Variants in SYTL5 observed in about 807,000 individuals in gnomAD.
The protein encoded by SYTL5 is synaptotagmin like 5.
Under a neutral mutation model 55.9 loss-of-function variants are expected in SYTL5, and 34 were observed. That is an observed-to-expected ratio of 0.61 (90% confidence interval 0.46 to 0.81). The LOEUF (loss-of-function observed/expected upper bound fraction) is 0.81. Among genes scored for constraint, SYTL5 ranks in the 30% least tolerant of loss-of-function variants. SYTL5 has a pLI of 0.00. For synonymous variants in SYTL5, 221 were observed against 188.7 expected, an observed-to-expected ratio of 1.17 and a Z score of -1.40; for missense variants, 637 against 546.7, an observed-to-expected ratio of 1.17 and a Z score of -1.65.
the SYTL5 span, among the ~76,000 whole-genome samples, chrX:37,977,352 G>T: frequency 2.7e-5 from 3 of 110,904 alleles, no homozygotes; most frequent in Non-Finnish European, 5.7e-5. Flanking sequence ...ACATCAAGGA[G>T]AAAGAAGGTG....
intron 1 of SYTL5, among the ~76,000 whole-genome samples, chrX:38,032,875 C>T (rs186936791): frequency 9.1e-6 from 1 of 110,372 alleles, no homozygotes; most frequent in Admixed American, 9.7e-5. Flanking sequence ...AGGTATCTGC[C>T]ACCATGCCCA....
chrX:37,894,987 A>G, the SYTL5 span, among the ~76,000 whole-genome samples: 1 of 111,473 alleles, frequency 9.0e-6, no homozygotes, highest in Non-Finnish European at 1.9e-5. Context: ...TGCAAAGGGC[A>G]GATCATGAGA....
the SYTL5 span, among the ~76,000 whole-genome samples, chrX:37,950,585 A>T: frequency 9.0e-6 from 1 of 111,446 alleles, no homozygotes; most frequent in Admixed American, 9.5e-5. Context: ...GAAGTATGCA[A>T]TGCTTTCCTA....
the SYTL5 span, among the ~76,000 whole-genome samples, chrX:37,982,498 C>G: frequency 1.8e-5 from 2 of 112,262 alleles, no homozygotes; most frequent in African/African-American, 3.2e-5. Context: ...GTAAGATAAA[C>G]AGAGCACTGG....
rs747441779 is a variant in SYTL5 at position 38,054,435 on chromosome X, A to C, written c.329+13A>C. On this transcript the variant is annotated intron_variant, in intron 3 of 16. Transcript: ENST00000297875. ...GTGACAAAATCGCGTGAGTTTCTTG[A>C]TTTTTCATGGAAAGTGGAGATTGAT... 8.4e-7 allele frequency: 1 copy of C among 1,194,737 alleles called. No homozygotes were observed. The highest frequency in any genetic ancestry group is 1.8e-5 in the African/African-American group (1 of 56,573).
At chrX:38,116,132 G>A (rs1422735213) in intron 13 of SYTL5, among the ~76,000 whole-genome samples, 1 of 111,688 alleles carries the variant, frequency 9.0e-6, no homozygotes, top group Admixed American at 9.5e-5. Context: ...TGAGACAAGG[G>A]TCCAATTTCA....
intron 13 of SYTL5, among the ~76,000 whole-genome samples, chrX:38,118,337 T>G (rs1045027619): frequency 8.9e-6 from 1 of 111,986 alleles, no homozygotes; most frequent in East Asian, 2.8e-4. Flanking sequence ...TCAGTATTTT[T>G]AATTTTTTTT....
At chrX:37,909,107 G>A in the SYTL5 span, among the ~76,000 whole-genome samples, 2 of 107,483 alleles carry the variant, frequency 1.9e-5, no homozygotes, top group African/African-American at 6.9e-5. Context: ...ATGTACTACT[G>A]CCCCCCTCCC....
chrX:38,056,420 T>G (rs964792475), intron 3 of SYTL5, among the ~76,000 whole-genome samples: 14 of 112,138 alleles, frequency 1.2e-4, no homozygotes, highest in African/African-American at 4.5e-4. Flanking sequence ...AGTGCTGCAG[T>G]AAACATGGGA....
chrX:38,116,171 C>T (rs895350959), intron 13 of SYTL5, among the ~76,000 whole-genome samples: 1 of 111,339 alleles, frequency 9.0e-6, no homozygotes, highest in African/African-American at 3.3e-5. Context: ...TTCAGTTGTC[C>T]CAATACTGTT....
the SYTL5 span, among the ~76,000 whole-genome samples, chrX:37,895,436 C>CCTTCCTTCCTTCCTTCCTT: frequency 5.3e-5 from 5 of 94,519 alleles, 1 homozygote; most frequent in African/African-American, 2.5e-4. Context: ...TTCCTTCCTT[C>CCTTCCTTCCTTCCTTCCTT]CTTCCTTCCT....
intron 6 of SYTL5, among the ~76,000 whole-genome samples, chrX:38,079,063 G>A (rs1936463111): frequency 8.9e-6 from 1 of 111,986 alleles, no homozygotes; most frequent in African/African-American, 3.2e-5. Context: ...ACAGTGAGAT[G>A]AGTTCCATTA....
chrX:37,952,242 C>T, the SYTL5 span, among the ~76,000 whole-genome samples: 5 of 111,680 alleles, frequency 4.5e-5, no homozygotes, highest in South Asian at 3.8e-4. Context: ...TTCTTCTTCA[C>T]GCTTCTGCTA....
At chrX:38,094,495 G>T (rs772774152) in intron 8 of SYTL5, 71 bp downstream of exon 8, 10 of 1,030,486 alleles carry the variant, frequency 9.7e-6, no homozygotes, top group Non-Finnish European at 1.3e-5. Flanking sequence ...TGCTATGTGT[G>T]GTATTAAGTG....
At chrX:38,119,238 T>C (rs1257384296) in intron 13 of SYTL5, among the ~76,000 whole-genome samples, 3 of 110,933 alleles carry the variant, frequency 2.7e-5, no homozygotes, top group Non-Finnish European at 5.7e-5. Context: ...TTTTATCACC[T>C]TTATAGGTTT....
the SYTL5 span, among the ~76,000 whole-genome samples, chrX:37,958,006 C>G: frequency 9.0e-6 from 1 of 111,304 alleles, no homozygotes; most frequent in Non-Finnish European, 1.9e-5. Flanking sequence ...GTCAGGAGAT[C>G]GAGACCAGCC....
rs191438211 is a variant in SYTL5, at chrX:38,064,216, A to G, written c.330-7831A>G. 4.5e-5 allele frequency among the ~76,000 whole-genome samples: 5 copies of G among 111,596 alleles called. No individual in the cohort carries two copies. In the Admixed American group the frequency reaches 4.8e-4, roughly 11 times the overall value. ...ATTGTGCATCTGGGAATGAAATTGC[A>G]CACCAAACGGTATGAGCATTTTCAG... On this transcript the variant is annotated intron_variant, in intron 3 of 16. Coordinates refer to ENST00000297875, the MANE Select transcript of SYTL5 (RefSeq NM_138780.3).
chrX:38,018,264 C>T (rs73463453), intron 1 of SYTL5, among the ~76,000 whole-genome samples: 10,534 of 110,982 alleles, frequency 0.095, 881 homozygotes, highest in African/African-American at 0.25. Context: ...GCCTGCCACA[C>T]TCTGTCCATT....
intron 3 of SYTL5, among the ~76,000 whole-genome samples, chrX:38,069,199 T>A (rs1333364293): frequency 2.7e-5 from 3 of 111,977 alleles, no homozygotes; most frequent in Non-Finnish European, 3.8e-5. Context: ...CAAATATATT[T>A]CTATGTTAAC....
Sources: allele counts gnomAD v4.1 joint callset (sites outside exome capture counted in the v4.1 genomes callset), GRCh38; gene constraint gnomAD v4.1.1; transcripts MANE v1.5; gene names NCBI Gene and HGNC (gene_info 2026-07-23, HGNC 2026-07-21).